PCDH7: variants seen among roughly 807,000 people sequenced by gnomAD.
The protein encoded by PCDH7 is protocadherin 7.
PCDH7 carries 17 observed loss-of-function variants against 58.9 expected under a neutral mutation model. That is an observed-to-expected ratio of 0.29 (90% CI 0.20 to 0.43). The LOEUF (loss-of-function observed/expected upper bound fraction) is 0.43, where lower values mean the gene tolerates loss of function less well. Among genes scored for constraint, PCDH7 ranks in the 20% least tolerant of loss-of-function variants. The pLI is 1.00. For missense variants in PCDH7, 1,274 were observed against 1,441.0 expected (o/e 0.88, Z 1.88); for synonymous variants, 664 against 616.4 (o/e 1.08, Z -1.14).
intron 1 of PCDH7, among the ~76,000 whole-genome samples, chr4:30,802,665 A>G (rs1208049592): frequency 6.6e-6 from 1 of 152,104 alleles, no homozygotes; most frequent in East Asian, 1.9e-4. Flanking sequence ...GATAGGCTCA[A>G]TATTTTCAGC....
intron 1 of PCDH7, among the ~76,000 whole-genome samples, chr4:30,741,309 G>A (rs1411744093): frequency 6.6e-6 from 1 of 151,010 alleles, no homozygotes; most frequent in African/African-American, 2.4e-5. Flanking sequence ...TCCCACCTCA[G>A]CCTCCCAAAT....
intron 1 of PCDH7, among the ~76,000 whole-genome samples, chr4:30,725,867 G>C (rs1714544908): frequency 6.6e-6 from 1 of 152,180 alleles, no homozygotes; most frequent in South Asian, 2.1e-4. Flanking sequence ...ATTGAAATTA[G>C]TATTTTAAAT....
At chr4:30,975,143 T>TGTG (rs1749955705) in intron 3 of PCDH7, among the ~76,000 whole-genome samples, 223 of 138,852 alleles carry the variant, frequency 1.6e-3, no homozygotes, top group South Asian at 5.5e-3. Context: ...TTCCCTTTCA[T>TGTG]TGTGTGTGTG....
chr4:30,722,928 C>G lies in PCDH7; in HGVS notation c.1506C>G (p.Asn502Lys). 6.2e-7 allele frequency: 1 copy of G among 1,613,718 alleles called. No individual in the cohort carries two copies. Among genetic ancestry groups the G allele is most frequent in the Non-Finnish European group, 8.5e-7 (1 of 1,180,018 alleles). Reference sequence around the variant, plus strand: ...ACTATGAGGCCACCCGGGAGTTCAACGTGGTCATCGTGGCGGTGGACTCAG... The same window carrying G: ...ACTATGAGGCCACCCGGGAGTTCAAGGTGGTCATCGTGGCGGTGGACTCAG... Residue 502 changes from asparagine (N) to lysine (K), a missense_variant, in exon 1 of 2, where the codon AAC (asparagine) becomes AAG (lysine). Transcript: ENST00000361762. The surrounding 1 kb of genome is among the most constrained non-coding windows in gnomAD (Gnocchi z 7.6).
intron 1 of PCDH7, among the ~76,000 whole-genome samples, chr4:30,750,379 A>G (rs1718350169): frequency 6.6e-6 from 1 of 152,066 alleles, no homozygotes; most frequent in South Asian, 2.1e-4. Context: ...ATATTGGTCA[A>G]CCTCCTGGGC....
At chr4:31,036,315 A>G (rs1755408587) in intron 3 of PCDH7, among the ~76,000 whole-genome samples, 1 of 152,064 alleles carries the variant, frequency 6.6e-6, no homozygotes, top group African/African-American at 2.4e-5. Flanking sequence ...CCTCCTCAGT[A>G]GCGGGGATTA....
intron 1 of PCDH7, among the ~76,000 whole-genome samples, chr4:30,918,445 A>AT (rs918748216): frequency 4.6e-5 from 7 of 151,848 alleles, no homozygotes; most frequent in Admixed American, 6.6e-5. Context: ...ACATTTCTTT[A>AT]TTTTTTTTAA....
chr4:30,809,690 A>T (rs929238451), intron 1 of PCDH7, among the ~76,000 whole-genome samples: 1 of 152,168 alleles, frequency 6.6e-6, no homozygotes, highest in Admixed American at 6.6e-5. Flanking sequence ...GGCCCTTTGG[A>T]GGCTTGTGAA....
intron 1 of PCDH7, among the ~76,000 whole-genome samples, chr4:30,791,388 T>G (rs1455777666): frequency 1.3e-5 from 2 of 152,206 alleles, no homozygotes; most frequent in East Asian, 3.8e-4. Context: ...ACCTTATAAA[T>G]TATTTATGAC....
chr4:30,837,669 A>G (rs1730660628), intron 1 of PCDH7, among the ~76,000 whole-genome samples: 1 of 151,830 alleles, frequency 6.6e-6, no homozygotes, highest in South Asian at 2.1e-4. Context: ...TTTTTCCTTT[A>G]CGTACCGACA....
At chr4:30,894,792 T>G (rs1441015301) in intron 1 of PCDH7, among the ~76,000 whole-genome samples, 1 of 150,678 alleles carries the variant, frequency 6.6e-6, no homozygotes, top group Non-Finnish European at 1.5e-5. Flanking sequence ...TTTTACGTTG[T>G]GGCTTTGCCC....
chr4:30,973,462 A>T (rs1749782115), intron 3 of PCDH7, among the ~76,000 whole-genome samples: 1 of 152,232 alleles, frequency 6.6e-6, no homozygotes, highest in Admixed American at 6.5e-5. Flanking sequence ...GGAATAAAAG[A>T]CTACCACATT....
chr4:30,807,515 T>G lies in PCDH7; in HGVS notation c.70+82919T>G, dbSNP rs1442468729. 3.9e-5 allele frequency among the ~76,000 whole-genome samples: 6 copies of G among 152,166 alleles called. No individual in the cohort carries two copies. In the South Asian group the frequency reaches 6.2e-4, roughly 16 times the overall value. The stretch of plus-strand genomic sequence containing the variant: ...ATGAGGATATTGGGCTTTAAAGAAC[T>G]GCAATCATGAGCTTTCCTCTGCAAA... On this transcript the variant is annotated intron_variant, in intron 1 of 3. Transcript: ENST00000509759.
At position 30,721,999 on chromosome 4, in the gene PCDH7, G is replaced by A. The variant is rs1180815744; in HGVS notation, c.577G>A (p.Gly193Ser). The A allele has an allele frequency of 5.5e-6, 7 of 1,276,816 alleles. No homozygotes were observed. Among genetic ancestry groups the A allele is most frequent in the South Asian group, 2.7e-5 (1 of 37,304 alleles). 79.1% of individuals were successfully genotyped at this position (1,276,816 alleles called of 1,614,324 possible). A position where few individuals can be genotyped will look rare whatever the true frequency, so the allele number is the denominator to read the frequency against. ...GGAGCCCGGAGGCGGCGGCAGCGGC[G>A]GCGAGAGCCGGCGCGCCGGGGCGGC... is the stretch of plus-strand genomic sequence containing the variant. Residue 193 changes from glycine (G) to serine (S), a missense_variant, in exon 1 of 2, where the codon GGC (glycine) becomes AGC (serine). Physicochemically the swap from Gly to Ser is moderately conservative, Grantham distance 56. This residue lies in a region of PCDH7 where 331 missense variants were observed against 303.2 expected (regional missense o/e 1.09). Coordinates refer to ENST00000361762, the Ensembl canonical transcript of PCDH7. This position sits in a 1 kb window ranked among gnomAD's most constrained non-coding sequence, Gnocchi z 6.7.
intron 3 of PCDH7, among the ~76,000 whole-genome samples, chr4:31,127,397 T>C (rs1290716910): frequency 6.6e-6 from 1 of 152,190 alleles, no homozygotes; most frequent in African/African-American, 2.4e-5. Context: ...GACAGATTAA[T>C]ACTTAGGCAT....
chr4:30,862,081 T>C lies in PCDH7; in HGVS notation c.71-58072T>C, dbSNP rs150632331. 3.0e-4 allele frequency among the ~76,000 whole-genome samples: 45 copies of C among 152,240 alleles called. No individual in the cohort carries two copies. The East Asian group carries it at 8.3e-3, about 28-fold the overall frequency. On this transcript the variant is annotated intron_variant, in intron 1 of 3. Coordinates refer to the PCDH7 transcript ENST00000509759. The stretch of plus-strand genomic sequence containing the variant: ...CACTTTATGGTTGAAGAAACTGAGG[T>C]CAAGATCAAGGTTGTATCACTAGCT...
At chr4:31,010,241 A>G (rs546846136) in intron 3 of PCDH7, among the ~76,000 whole-genome samples, 3 of 152,058 alleles carry the variant, frequency 2.0e-5, no homozygotes, top group African/African-American at 7.2e-5. Context: ...CAACCACTCT[A>G]TTATGGAACT....
chr4:30,889,754 A>G (rs1191493768), intron 1 of PCDH7, among the ~76,000 whole-genome samples: 1 of 152,122 alleles, frequency 6.6e-6, no homozygotes. Context: ...TTTTATAAGG[A>G]TGCTCAACCC....
intron 1 of PCDH7, among the ~76,000 whole-genome samples, chr4:30,883,081 A>G (rs892855068): frequency 1.1e-4 from 16 of 152,182 alleles, no homozygotes; most frequent in Non-Finnish European, 4.4e-5. Context: ...GCACATGTGC[A>G]CACATGTGCA....
Sources: allele counts gnomAD v4.1 joint callset (sites outside exome capture counted in the v4.1 genomes callset), GRCh38; gene constraint gnomAD v4.1.1; regional missense constraint gnomAD v4.1.1; non-coding constraint Gnocchi (gnomAD v3.1); transcripts MANE v1.5; gene names NCBI Gene and HGNC (gene_info 2026-07-23, HGNC 2026-07-21).